Variants in SLCO6A1 observed in about 807,000 individuals in gnomAD.
The protein encoded by SLCO6A1 is cancer/testis antigen 48.
In SLCO6A1, 65 loss-of-function variants were observed where a neutral mutation model predicts 72.7. The ratio of observed to expected loss-of-function variants is 0.89; its 90% CI spans 0.73 to 1.10. The LOEUF is 1.10. Ranked by LOEUF, SLCO6A1 falls within the 50% of genes least tolerant of loss-of-function variation. SLCO6A1 has a pLI of 0.00. For synonymous variants in SLCO6A1, 314 were observed against 298.2 expected (o/e 1.05, Z -0.55); for missense variants, 874 against 872.6 (o/e 1.00, Z -0.02).
chr5:102,430,258 G>A (rs1253810353), intron 7 of SLCO6A1, among the ~76,000 whole-genome samples: 1 of 152,098 alleles, frequency 6.6e-6, no homozygotes, highest in Non-Finnish European at 1.5e-5. Flanking sequence ...AACAGGGATA[G>A]TTTGGCTTCC....
At chr5:102,460,637 C>A (rs1292903272) in intron 4 of SLCO6A1, among the ~76,000 whole-genome samples, 2 of 151,876 alleles carry the variant, frequency 1.3e-5, no homozygotes, top group African/African-American at 2.4e-5. Flanking sequence ...TTTAAGACCC[C>A]CTCCAAACAG....
chr5:102,427,854 ATATATATATATTTT>A (rs1201952991), intron 7 of SLCO6A1, among the ~76,000 whole-genome samples: 15 of 120,914 alleles, frequency 1.2e-4, no homozygotes, highest in African/African-American at 5.0e-4. Context: ...ACATATATAT[ATATATATATATTTT>A]TTTTTTTTTT....
intron 1 of SLCO6A1, among the ~76,000 whole-genome samples, chr5:102,491,688 C>T (rs1385466956): frequency 2.0e-5 from 3 of 152,266 alleles, no homozygotes; most frequent in Admixed American, 6.5e-5. Flanking sequence ...TGCTGGCCCG[C>T]AAGCGCGGTG....
Position 102,372,089 on chromosome 5 carries a change from G to A in SLCO6A1, c.*50C>T, listed in dbSNP as rs62369302. ...TGGAGAATCTGTAAAAGAGAAACTC[G>A]TTTTCACACTCTGATCCTCAAATGA... On this transcript the variant is annotated 3_prime_UTR_variant, in exon 14 of 14. Transcript: ENST00000506729. 1.3e-5 allele frequency: 2 copies of A among 151,836 alleles called. No homozygotes were observed. Among genetic ancestry groups the A allele is most frequent in the Non-Finnish European group, 2.9e-5 (2 of 67,852 alleles). The allele number at this position is 151,836 out of a possible 1,614,324, so 9.4% of individuals were successfully genotyped here.
In SLCO6A1 at chr5:102,492,169, A is replaced by G. The variant is rs375614391; in HGVS notation, c.358+6318T>C. On this transcript the variant is annotated intron_variant, in intron 1 of 13. Coordinates refer to ENST00000506729, the MANE Select transcript of SLCO6A1 (RefSeq NM_173488.5). ...CCAGGACCCTCCTCCAACATTGGGG[A>G]TGACAAGTCAACATAAGATTTGGGC... Among the ~76,000 whole-genome samples the G allele has an allele frequency of 3.5e-4, 53 of 152,348 alleles. 1 individual carries two copies. The East Asian group carries it at 6.7e-3, about 19-fold the overall frequency.
chr5:102,383,847 GC>G (rs931280934), intron 12 of SLCO6A1, among the ~76,000 whole-genome samples: 23 of 151,650 alleles, frequency 1.5e-4, no homozygotes, highest in African/African-American at 5.1e-4. Context: ...GATTTTGATT[GC>G]TAATTCAACT....
chr5:102,427,838 A>ATG lies in SLCO6A1; in HGVS notation c.1277-7819_1277-7818dup, dbSNP rs1273072665. On this transcript the variant is annotated intron_variant, in intron 7 of 13. Transcript: ENST00000506729. ...GGAAACCCCCTCTCTCTGTGTGTGT[A>ATG]TGTATACATATATATATATATATAT... Among the ~76,000 whole-genome samples, 357 of 104,236 alleles carry ATG rather than the reference A, an allele frequency of 3.4e-3. 6 individuals carry two copies. Among genetic ancestry groups the ATG allele is most frequent in the Non-Finnish European group, 5.6e-3 (291 of 51,782 alleles). The allele number at this position is 104,236 out of a possible 152,430, so 68.4% of individuals were successfully genotyped here.
intron 6 of SLCO6A1, among the ~76,000 whole-genome samples, chr5:102,441,020 C>T (rs1031975355): frequency 6.6e-6 from 1 of 152,082 alleles, no homozygotes; most frequent in Non-Finnish European, 1.5e-5. Flanking sequence ...CTTGTGTATT[C>T]TAAACATTAA....
chr5:102,377,245 G>T (rs920804936), intron 12 of SLCO6A1, among the ~76,000 whole-genome samples: 9 of 151,992 alleles, frequency 5.9e-5, no homozygotes, highest in African/African-American at 2.2e-4. Context: ...ATAAGAGAAA[G>T]GATAAACTGT....
chr5:102,382,740 A>G (rs1036913371), intron 12 of SLCO6A1, among the ~76,000 whole-genome samples: 7 of 151,284 alleles, frequency 4.6e-5, no homozygotes, highest in African/African-American at 1.7e-4. Context: ...CTTTTTTGAC[A>G]CTACCATAAA....
intron 6 of SLCO6A1, among the ~76,000 whole-genome samples, chr5:102,446,986 C>T (rs115803873): frequency 0.023 from 3,513 of 152,210 alleles, 139 homozygotes; most frequent in African/African-American, 0.08. Context: ...AGCTCCTGAC[C>T]TCGTGATTTG....
At position 102,413,187 on chromosome 5, in the gene SLCO6A1, T is replaced by G. The variant is rs756263530; in HGVS notation, c.1473-44A>C. The G allele has an allele frequency of 8.1e-6, 12 of 1,486,982 alleles. No homozygotes were observed. The African/African-American group carries it at 1.6e-4, about 20-fold the overall frequency. 92.1% of individuals were successfully genotyped at this position (1,486,982 alleles called of 1,614,324 possible). Reference sequence around the variant, plus strand: ...ATGTAATCATATTACCATTGTTTTATAATTATTGATGCAAATGTCAAGATA... The same window carrying G: ...ATGTAATCATATTACCATTGTTTTAGAATTATTGATGCAAATGTCAAGATA... On this transcript the variant is annotated intron_variant, in intron 8 of 13. Coordinates refer to ENST00000506729, the MANE Select transcript of SLCO6A1 (RefSeq NM_173488.5).
chr5:102,400,492 T>C (rs1747338905), intron 9 of SLCO6A1, among the ~76,000 whole-genome samples: 1 of 151,978 alleles, frequency 6.6e-6, no homozygotes, highest in African/African-American at 2.4e-5. Flanking sequence ...GGAAAGCCAA[T>C]GAGAATTTGG....
rs887248960 is a variant in SLCO6A1 at position 102,498,991 on chromosome 5, A to C, written c.-147T>G. 4.1e-6 allele frequency: 3 copies of C among 735,124 alleles called. No individual in the cohort carries two copies. The highest frequency in any genetic ancestry group is 6.8e-6 in the Non-Finnish European group (3 of 444,268). 45.5% of individuals were successfully genotyped at this position (735,124 alleles called of 1,614,324 possible). ...CTTGCCGCCCAAGCCTCCAGAGCGA[A>C]CGTTTCTCCTAGGGCAGGAGGCAAA... On this transcript the variant is annotated 5_prime_UTR_variant, in exon 1 of 14. Coordinates refer to ENST00000506729, the MANE Select transcript of SLCO6A1 (RefSeq NM_173488.5).
chr5:102,411,868 T>C (rs1217876908), intron 9 of SLCO6A1, among the ~76,000 whole-genome samples: 2 of 152,176 alleles, frequency 1.3e-5, no homozygotes, highest in African/African-American at 4.8e-5. Context: ...TCTATTAGCA[T>C]AGCAAATAAC....
At chr5:102,471,876 T>C (rs1751645993) in intron 4 of SLCO6A1, among the ~76,000 whole-genome samples, 1 of 152,088 alleles carries the variant, frequency 6.6e-6, no homozygotes, top group Non-Finnish European at 1.5e-5. Flanking sequence ...GGGCTAGCTA[T>C]AGTAGCAAGC....
At chr5:102,474,140 A>G (rs568165315) in intron 4 of SLCO6A1, among the ~76,000 whole-genome samples, 1 of 152,194 alleles carries the variant, frequency 6.6e-6, no homozygotes, top group Non-Finnish European at 1.5e-5. Flanking sequence ...AAAAAGAAAA[A>G]TAAAGTTGGA....
intron 10 of SLCO6A1, among the ~76,000 whole-genome samples, chr5:102,396,895 C>T (rs947821573): frequency 6.6e-6 from 1 of 152,140 alleles, no homozygotes; most frequent in Non-Finnish European, 1.5e-5. Context: ...GCTCAGGTCT[C>T]TCTTTCTCCT....
chr5:102,420,075 A>T lies in SLCO6A1; in HGVS notation c.1277-54T>A, dbSNP rs141527171. Reference sequence around the variant, plus strand: ...TAAAAATAATCAGCTGATAGTACAGATAATACATACATTGATACAATTTCC... The same window carrying T: ...TAAAAATAATCAGCTGATAGTACAGTTAATACATACATTGATACAATTTCC... On this transcript the variant is annotated intron_variant, in intron 7 of 13. Coordinates refer to ENST00000506729, the MANE Select transcript of SLCO6A1 (RefSeq NM_173488.5). 12 of 1,357,044 alleles carry T rather than the reference A, an allele frequency of 8.8e-6. No individual in the cohort carries two copies. The African/African-American group carries it at 1.2e-4, about 13-fold the overall frequency. 84.1% of individuals were successfully genotyped at this position (1,357,044 alleles called of 1,614,324 possible). A position where few individuals can be genotyped will look rare whatever the true frequency, so the allele number is the denominator to read the frequency against.
Sources: allele counts gnomAD v4.1 joint callset (sites outside exome capture counted in the v4.1 genomes callset), GRCh38; gene constraint gnomAD v4.1.1; transcripts MANE v1.5; gene names NCBI Gene and HGNC (gene_info 2026-07-23, HGNC 2026-07-21).